PTPRD: variants seen among roughly 807,000 people sequenced by gnomAD.
The protein encoded by PTPRD is receptor-type tyrosine-protein phosphatase delta.
PTPRD carries 34 observed loss-of-function variants against 214.5 expected under a neutral mutation model. The ratio of observed to expected loss-of-function variants is 0.16; its 90% CI spans 0.12 to 0.21. The LOEUF (loss-of-function observed/expected upper bound fraction) is 0.21, where lower values mean the gene tolerates loss of function less well. Ranked by LOEUF, PTPRD falls within the 10% of genes least tolerant of loss-of-function variation. The probability of loss-of-function intolerance (pLI) is 1.00; values close to 1 mark genes in which losing one functional copy is unlikely to be tolerated. For missense variants in PTPRD, 2,545 were observed against 2,398.7 expected, an observed-to-expected ratio of 1.06 and a Z score of -1.27; for synonymous variants, 1,128 against 845.7, an observed-to-expected ratio of 1.33 and a Z score of -5.79.
intron 11 of PTPRD, among the ~76,000 whole-genome samples, chr9:8,763,805 G>C (rs907410309): frequency 1.3e-5 from 2 of 151,964 alleles, no homozygotes; most frequent in Non-Finnish European, 2.9e-5. Flanking sequence ...ACATCAAAAT[G>C]AGACCATGAG....
intron 4 of PTPRD, among the ~76,000 whole-genome samples, chr9:9,971,963 A>T (rs2095126056): frequency 6.6e-6 from 1 of 152,178 alleles, no homozygotes; most frequent in East Asian, 1.9e-4. Flanking sequence ...GACAAAATTG[A>T]TCAATTAATA....
chr9:9,381,631 G>C (rs942587616), intron 9 of PTPRD, among the ~76,000 whole-genome samples: 1 of 151,704 alleles, frequency 6.6e-6, no homozygotes, highest in Non-Finnish European at 1.5e-5. Context: ...GAGATTACAG[G>C]TGTGGGCCAC....
intron 3 of PTPRD, among the ~76,000 whole-genome samples, chr9:10,148,650 T>C (rs187266446): frequency 2.0e-5 from 3 of 152,334 alleles, no homozygotes; most frequent in East Asian, 1.9e-4. Flanking sequence ...TCAAATATTA[T>C]GTTGCAAAAC....
At chr9:10,342,894 G>T (rs1029206737) in intron 2 of PTPRD, among the ~76,000 whole-genome samples, 3 of 151,722 alleles carry the variant, frequency 2.0e-5, no homozygotes, top group Admixed American at 6.6e-5. Context: ...AAACTAAAAA[G>T]GTTGGATTTC....
At chr9:10,087,798 C>T (rs1172745354) in intron 3 of PTPRD, among the ~76,000 whole-genome samples, 5 of 151,808 alleles carry the variant, frequency 3.3e-5, no homozygotes, top group African/African-American at 9.6e-5. Context: ...AAGACATTTA[C>T]TGTGAGGGAA....
chr9:9,003,835 G>A (rs186213780), intron 11 of PTPRD, among the ~76,000 whole-genome samples: 56 of 152,088 alleles, frequency 3.7e-4, no homozygotes, highest in African/African-American at 1.2e-3. Context: ...CAGAAAACTC[G>A]CAATCTGTAA....
chr9:9,300,984 C>T (rs985768223), intron 9 of PTPRD, among the ~76,000 whole-genome samples: 5 of 151,716 alleles, frequency 3.3e-5, no homozygotes, highest in South Asian at 4.2e-4. Context: ...TGTGAACTCA[C>T]CAAAGCACCA....
intron 7 of PTPRD, among the ~76,000 whole-genome samples, chr9:9,580,116 T>C (rs1365466970): frequency 6.6e-6 from 1 of 152,144 alleles, no homozygotes; most frequent in Non-Finnish European, 1.5e-5. Flanking sequence ...AATCATTTGT[T>C]GATAGACAGG....
intron 2 of PTPRD, among the ~76,000 whole-genome samples, chr9:10,562,176 G>A (rs1008815274): frequency 1.4e-4 from 22 of 152,020 alleles, no homozygotes; most frequent in African/African-American, 5.1e-4. Flanking sequence ...GAAGATGATG[G>A]TCTGTCTTGA....
chr9:10,392,365 T>G (rs972449938), intron 2 of PTPRD, among the ~76,000 whole-genome samples: 1 of 152,050 alleles, frequency 6.6e-6, no homozygotes, highest in East Asian at 2.0e-4. Context: ...TGAGATCACC[T>G]GATTAGATAA....
At chr9:9,819,951 A>G (rs575923080) in intron 5 of PTPRD, among the ~76,000 whole-genome samples, 2 of 152,296 alleles carry the variant, frequency 1.3e-5, no homozygotes, top group South Asian at 4.1e-4. Flanking sequence ...CACTGCAATG[A>G]AAATGCGAGT....
chr9:9,071,517 G>T (rs2099743706), intron 10 of PTPRD, among the ~76,000 whole-genome samples: 1 of 152,142 alleles, frequency 6.6e-6, no homozygotes, highest in South Asian at 2.1e-4. Context: ...AGCCTAAGTT[G>T]CAGGGAACTG....
At chr9:10,184,739 G>A (rs960695154) in intron 3 of PTPRD, among the ~76,000 whole-genome samples, 1 of 152,050 alleles carries the variant, frequency 6.6e-6, no homozygotes, top group Non-Finnish European at 1.5e-5. Flanking sequence ...AATATGTGGG[G>A]GCAGAATAAG....
intron 5 of PTPRD, among the ~76,000 whole-genome samples, chr9:9,871,574 A>G (rs1242791453): frequency 1.3e-5 from 2 of 152,112 alleles, no homozygotes; most frequent in African/African-American, 4.8e-5. Flanking sequence ...CTTGGGCCCT[A>G]AGATTATCTT....
intron 11 of PTPRD, among the ~76,000 whole-genome samples, chr9:8,824,193 C>T (rs1461209108): frequency 1.3e-5 from 2 of 152,150 alleles, no homozygotes; most frequent in African/African-American, 2.4e-5. Flanking sequence ...ATGCCTTAAT[C>T]GTCTGGGAAT....
At chr9:9,733,551 T>A (rs2098237531) in intron 7 of PTPRD, among the ~76,000 whole-genome samples, 1 of 152,120 alleles carries the variant, frequency 6.6e-6, no homozygotes, top group African/African-American at 2.4e-5. Flanking sequence ...TGAAAGCATT[T>A]GGTTTTAGGA....
intron 5 of PTPRD, 103 bp downstream of exon 5, chr9:9,938,404 A>G (rs1360411544): frequency 1.3e-5 from 2 of 152,180 alleles, no homozygotes; most frequent in East Asian, 3.9e-4. Flanking sequence ...TTGAAAGCGT[A>G]AAAGGGTTGA....
chr9:9,350,929 A>G (rs544107894), intron 9 of PTPRD, among the ~76,000 whole-genome samples: 30 of 152,124 alleles, frequency 2.0e-4, no homozygotes, highest in African/African-American at 6.7e-4. Flanking sequence ...ATGAACTCTG[A>G]TGATCTTTCA....
In PTPRD at chr9:10,317,100, G is replaced by C. The variant is rs192097220; in HGVS notation, c.-545+23863C>G. ...CGTACACAGTGGGTTTATTTCCCTT[G>C]TGACACTGGCTATTGAGCCTAACAT... On this transcript the variant is annotated intron_variant, in intron 3 of 45. Transcript: ENST00000381196. Among the ~76,000 whole-genome samples the C allele has an allele frequency of 1.4e-3, 220 of 151,980 alleles. 1 individual carries two copies. Among genetic ancestry groups the C allele is most frequent in the South Asian group, 0.013 (62 of 4,822 alleles).
Sources: allele counts gnomAD v4.1 joint callset (sites outside exome capture counted in the v4.1 genomes callset), GRCh38; gene constraint gnomAD v4.1.1; transcripts MANE v1.5; gene names NCBI Gene and HGNC (gene_info 2026-07-23, HGNC 2026-07-21).